NDFIP2: variants seen among roughly 807,000 people sequenced by gnomAD.
NDFIP2 encodes the protein Nedd4 family interacting protein 2, also known as NEDD4 family-interacting protein 2.
Under a neutral mutation model 36.0 loss-of-function variants are expected in NDFIP2, and 19 were observed. The observed-to-expected ratio is 0.53, with a 90% CI of 0.37 to 0.77. The LOEUF is 0.77. Ranked by LOEUF, NDFIP2 falls within the 30% of genes least tolerant of loss-of-function variation. The pLI, the probability that NDFIP2 is intolerant of heterozygous loss-of-function variation, is 0.00. For synonymous variants in NDFIP2, 181 were observed against 167.7 expected, an observed-to-expected ratio of 1.08 and a Z score of -0.61; for missense variants, 446 against 435.8, an observed-to-expected ratio of 1.02 and a Z score of -0.21.
chr13:79,530,167 G>C (rs932392068), intron 2 of NDFIP2, among the ~76,000 whole-genome samples: 1 of 151,874 alleles, frequency 6.6e-6, no homozygotes, highest in African/African-American at 2.4e-5. Flanking sequence ...TTTTTTTTTA[G>C]AGACAGAATT....
intron 4 of NDFIP2, among the ~76,000 whole-genome samples, chr13:79,542,899 C>G (rs117020077): frequency 6.6e-6 from 1 of 150,788 alleles, no homozygotes; most frequent in Non-Finnish European, 1.5e-5. Flanking sequence ...TTTTTTGAGC[C>G]GGAGTCTTGC....
intron 6 of NDFIP2, 63 bp downstream of exon 6, chr13:79,548,457 T>A: frequency 8.2e-7 from 1 of 1,214,104 alleles, no homozygotes; most frequent in East Asian, 2.4e-5. Context: ...AAGATGTAAA[T>A]AAACTGTGTT....
intron 1 of NDFIP2, among the ~76,000 whole-genome samples, chr13:79,520,141 A>AGCGT (rs1941978431): frequency 6.6e-6 from 1 of 152,126 alleles, no homozygotes; most frequent in African/African-American, 2.4e-5. Context: ...AAACCTACTT[A>AGCGT]GCGTACTCCA....
intron 4 of NDFIP2, among the ~76,000 whole-genome samples, chr13:79,542,127 G>A (rs2137111633): frequency 6.6e-6 from 1 of 152,262 alleles, no homozygotes; most frequent in South Asian, 2.1e-4. Flanking sequence ...ATGGATAATT[G>A]ACAGTCTATG....
chr13:79,520,333 T>C (rs1235527808), intron 1 of NDFIP2, among the ~76,000 whole-genome samples: 1 of 152,164 alleles, frequency 6.6e-6, no homozygotes, highest in East Asian at 1.9e-4. Flanking sequence ...AACTCTACTG[T>C]TACAATTGCA....
At chr13:79,495,408 G>T (rs1873399310) in intron 1 of NDFIP2, among the ~76,000 whole-genome samples, 1 of 151,926 alleles carries the variant, frequency 6.6e-6, no homozygotes, top group African/African-American at 2.4e-5. Context: ...ATCTCTGATA[G>T]TGATCTTTGT....
chr13:79,526,716 A>G (rs1874809757), intron 2 of NDFIP2, among the ~76,000 whole-genome samples: 1 of 152,214 alleles, frequency 6.6e-6, no homozygotes, highest in Admixed American at 6.5e-5. Context: ...AGAAGCCAAG[A>G]GAGGAGAGAA....
At chr13:79,493,592 TATCCGAGGG>T (rs1873324669) in intron 1 of NDFIP2, among the ~76,000 whole-genome samples, 1 of 152,164 alleles carries the variant, frequency 6.6e-6, no homozygotes, top group African/African-American at 2.4e-5. Context: ...TACAGAAGAC[TATCCGAGGG>T]AGGTTCTGTT....
intron 1 of NDFIP2, among the ~76,000 whole-genome samples, chr13:79,520,225 A>G (rs1241053959): frequency 6.6e-6 from 1 of 152,208 alleles, no homozygotes; most frequent in Non-Finnish European, 1.5e-5. Flanking sequence ...CTAGATTCAC[A>G]CATTTTTTCA....
intron 6 of NDFIP2, among the ~76,000 whole-genome samples, chr13:79,550,383 G>C (rs1411663507): frequency 6.6e-6 from 1 of 151,620 alleles, no homozygotes; most frequent in Non-Finnish European, 1.5e-5. Context: ...TAAATCATTA[G>C]AGTGACTGTC....
intron 1 of NDFIP2, among the ~76,000 whole-genome samples, chr13:79,504,311 C>A (rs1405576849): frequency 1.3e-5 from 2 of 152,060 alleles, no homozygotes; most frequent in Non-Finnish European, 2.9e-5. Flanking sequence ...TATTTTATCA[C>A]ATTTGTTTTC....
intron 1 of NDFIP2, among the ~76,000 whole-genome samples, chr13:79,486,874 G>C (rs1873012647): frequency 6.6e-6 from 1 of 152,174 alleles, no homozygotes; most frequent in Non-Finnish European, 1.5e-5. Context: ...CAGGTTTGTA[G>C]TCTAGGAGCA....
chr13:79,513,730 A>G (rs1437850393), intron 1 of NDFIP2, among the ~76,000 whole-genome samples: 3 of 148,168 alleles, frequency 2.0e-5, no homozygotes, highest in Admixed American at 6.7e-5. Context: ...TTTTTTTTCC[A>G]TTAAGGATTA....
At position 79,481,295 on chromosome 13, in the gene NDFIP2, C is replaced by A; in HGVS notation, c.92C>A (p.Ala31Glu). 6.5e-7 allele frequency: 1 copy of A among 1,540,154 alleles called. No homozygotes were observed. Among genetic ancestry groups the A allele is most frequent in the African/African-American group, 1.4e-5 (1 of 73,138 alleles). The change falls in exon 1 of 8, where the codon GCG becomes GAG. Residue 31 changes from alanine (A) to glutamate (E), a missense_variant. Ala to Glu is a moderately radical substitution (Grantham distance 107). Transcript: ENST00000218652. ...RGAPELLRGTATNAEVSAAAA... is the reference protein window; with the variant it reads ...RGAPELLRGTETNAEVSAAAA... ...GCCCCGGAGCTTCTCCGCGGAACCG[C>A]GACCAACGCGGAGGTCTCGGCGGCC...
At chr13:79,533,496 C>A (rs1361590784) in intron 3 of NDFIP2, 40 bp downstream of exon 3, 1 of 1,535,362 alleles carries the variant, frequency 6.5e-7, no homozygotes, top group South Asian at 1.2e-5. Context: ...AAATTATTTT[C>A]GTTAATTGAT....
intron 4 of NDFIP2, among the ~76,000 whole-genome samples, chr13:79,540,504 A>G (rs1875413321): frequency 6.6e-6 from 1 of 152,190 alleles, no homozygotes; most frequent in Non-Finnish European, 1.5e-5. Context: ...TTATTAGTCT[A>G]TGATATAGTT....
chr13:79,481,802 ACAACTTGTAT>A (rs1354944066), intron 1 of NDFIP2, among the ~76,000 whole-genome samples: 2 of 151,900 alleles, frequency 1.3e-5, no homozygotes, highest in Non-Finnish European at 2.9e-5. Context: ...CACACACCTT[ACAACTTGTAT>A]CCGTTTTAAT....
intron 5 of NDFIP2, among the ~76,000 whole-genome samples, chr13:79,545,632 G>A (rs1426922614): frequency 6.6e-6 from 1 of 152,186 alleles, no homozygotes; most frequent in Non-Finnish European, 1.5e-5. Context: ...TACAAGCAAC[G>A]AATTTTCAAA....
chr13:79,487,882 T>C (rs17071512), intron 1 of NDFIP2, among the ~76,000 whole-genome samples: 11,609 of 152,226 alleles, frequency 0.076, 587 homozygotes, highest in South Asian at 0.18. Flanking sequence ...GTACTCTCTC[T>C]AGTTTGTTTG....
Sources: allele counts gnomAD v4.1 joint callset (sites outside exome capture counted in the v4.1 genomes callset), GRCh38; gene constraint gnomAD v4.1.1; transcripts MANE v1.5; gene names NCBI Gene and HGNC (gene_info 2026-07-23, HGNC 2026-07-21).